The following ALG5 variants were observed in gnomAD, a reference collection of about 807,000 sequenced individuals.
The protein encoded by ALG5 is dolichyl-phosphate beta-glucosyltransferase.
Under a neutral mutation model 51.8 loss-of-function variants are expected in ALG5, and 26 were observed. The observed-to-expected ratio is 0.50, with a 90% CI of 0.37 to 0.70. The LOEUF (loss-of-function observed/expected upper bound fraction) is 0.70, where lower values mean the gene tolerates loss of function less well. ALG5 is among the 30% of genes least tolerant of loss of function. The pLI is 0.00. For synonymous variants in ALG5, 141 were observed against 136.1 expected (o/e 1.04, Z -0.25); for missense variants, 311 against 399.3 (o/e 0.78, Z 1.88).
chr13:36,971,275 A>C (rs2058921755), intron 7 of ALG5, among the ~76,000 whole-genome samples: 1 of 152,232 alleles, frequency 6.6e-6, no homozygotes, highest in African/African-American at 2.4e-5. Flanking sequence ...AAAAATTTTT[A>C]ACTGAATAAA....
At chr13:36,977,941 C>A (rs1328139642) in intron 6 of ALG5, among the ~76,000 whole-genome samples, 2 of 144,938 alleles carry the variant, frequency 1.4e-5, no homozygotes, top group Non-Finnish European at 1.5e-5. Flanking sequence ...GGCTGGAGTA[C>A]AGTGGCAAGA....
In ALG5 at chr13:36,994,940, T is replaced by A. The variant is rs1214520661; in HGVS notation, c.285+49A>T. On this transcript the variant is annotated intron_variant, in intron 3 of 9. Transcript: ENST00000239891. ...GGCTTGGGGTCCACAATTGGTGACC[T>A]GGTCTAGTTTTAATTGGAGATATCA... 7 of 1,537,914 alleles carry A rather than the reference T, an allele frequency of 4.6e-6. No individual in the cohort carries two copies. In the South Asian group the frequency reaches 5.7e-5, roughly 13 times the overall value.
intron 5 of ALG5, among the ~76,000 whole-genome samples, chr13:36,986,582 C>A (rs1181178016): frequency 6.6e-6 from 1 of 152,060 alleles, no homozygotes; most frequent in Non-Finnish European, 1.5e-5. Context: ...GTATAATAAG[C>A]TAACTAGTTA....
chr13:36,971,145 C>T (rs993473639), intron 7 of ALG5, among the ~76,000 whole-genome samples: 2 of 152,024 alleles, frequency 1.3e-5, no homozygotes, highest in African/African-American at 2.4e-5. Context: ...TCTAGCATAA[C>T]CTACAAAATG....
intron 5 of ALG5, among the ~76,000 whole-genome samples, chr13:36,987,413 AT>A (rs904114624): frequency 7.9e-5 from 12 of 152,138 alleles, no homozygotes; most frequent in African/African-American, 2.9e-4. Context: ...TGTTTGGGTC[AT>A]GGGGGTGGAT....
intron 6 of ALG5, among the ~76,000 whole-genome samples, chr13:36,984,765 C>T (rs1261836315): frequency 2.6e-5 from 4 of 151,956 alleles, no homozygotes; most frequent in Non-Finnish European, 5.9e-5. Flanking sequence ...GGAGGAGGGA[C>T]CCTCCCCTGG....
At position 36,964,792 on chromosome 13, in the gene ALG5, G is replaced by C. The variant is rs574989657; in HGVS notation, c.773+783C>G. ...ATACAAAAACTAGCTGGGTGTGGTA[G>C]CGCCCACCTGTAATCCCAGCTACTT... On this transcript the variant is annotated intron_variant, in intron 8 of 9. Coordinates refer to ENST00000239891, the MANE Select transcript of ALG5 (RefSeq NM_013338.5). Among the ~76,000 whole-genome samples, 318 of 152,228 alleles carry C rather than the reference G, an allele frequency of 2.1e-3. 3 individuals carry two copies. In the Middle Eastern group the frequency reaches 0.024, roughly 11 times the overall value.
intron 6 of ALG5, among the ~76,000 whole-genome samples, chr13:36,981,915 T>C (rs904620760): frequency 2.0e-5 from 3 of 152,100 alleles, no homozygotes; most frequent in African/African-American, 7.2e-5. Flanking sequence ...GGTGAAACCC[T>C]GTCTCTACTA....
chr13:36,964,576 G>A (rs2058883688), intron 8 of ALG5, among the ~76,000 whole-genome samples: 1 of 152,132 alleles, frequency 6.6e-6, no homozygotes, highest in Non-Finnish European at 1.5e-5. Context: ...TGCTGCTGAT[G>A]GGTTAAGTGT....
chr13:36,953,792 T>A lies in ALG5; in HGVS notation c.774-1193A>T, dbSNP rs558936719. On this transcript the variant is annotated intron_variant, in intron 8 of 9. Coordinates refer to ENST00000239891, the MANE Select transcript of ALG5 (RefSeq NM_013338.5). The stretch of plus-strand genomic sequence containing the variant: ...TAAAACCACTTACAAAAGTGGGTTG[T>A]ATTTTAAAACTTTCGTCCCCTAGAA... Among the ~76,000 whole-genome samples, 38 of 152,284 alleles carry A rather than the reference T, an allele frequency of 2.5e-4. 1 individual carries two copies. The highest frequency in any genetic ancestry group is 9.1e-4 in the African/African-American group (38 of 41,546).
At chr13:36,969,541 A>G (rs144431170) in intron 7 of ALG5, among the ~76,000 whole-genome samples, 205 of 151,422 alleles carry the variant, frequency 1.4e-3, no homozygotes, top group African/African-American at 4.8e-3. Context: ...TTATTTATTT[A>G]TTTTTTTGAG....
chr13:36,967,982 T>C (rs1004972315), intron 7 of ALG5: 2 of 305,656 alleles, frequency 6.5e-6, no homozygotes, highest in Non-Finnish European at 1.2e-5. Flanking sequence ...TAACAGGATT[T>C]TTGTTTGCTT....
At chr13:36,959,549 TATA>T (rs1397407356) in intron 8 of ALG5, among the ~76,000 whole-genome samples, 1 of 152,044 alleles carries the variant, frequency 6.6e-6, no homozygotes, top group Non-Finnish European at 1.5e-5. Context: ...GGCCTAGAAT[TATA>T]ATATTTCAAA....
At chr13:36,999,137 C>T (rs1052454186) in intron 1 of ALG5, 98 bp downstream of exon 1, 3 of 1,186,280 alleles carry the variant, frequency 2.5e-6, no homozygotes, top group South Asian at 2.1e-5. Context: ...GGGACTTCTC[C>T]GAGAACTGGT....
In ALG5 at chr13:36,963,505, C is replaced by T. The variant is rs528026611; in HGVS notation, c.773+2070G>A. ...TCTGACCCTAGTTCTGGAGCAATAGCTGACTGAAAAATAGCTAATGCAGAC... is the reference window on the plus strand; with the variant it reads ...TCTGACCCTAGTTCTGGAGCAATAGTTGACTGAAAAATAGCTAATGCAGAC... On this transcript the variant is annotated intron_variant, in intron 8 of 9. Coordinates refer to ENST00000239891, the MANE Select transcript of ALG5 (RefSeq NM_013338.5). Among the ~76,000 whole-genome samples, 25 of 152,158 alleles carry T rather than the reference C, an allele frequency of 1.6e-4. No individual in the cohort carries two copies. The South Asian group carries it at 4.6e-3, about 28-fold the overall frequency.
At chr13:36,967,278 C>T (rs1159189058) in intron 7 of ALG5, among the ~76,000 whole-genome samples, 1 of 151,538 alleles carries the variant, frequency 6.6e-6, no homozygotes, top group African/African-American at 2.4e-5. Context: ...AACTAGGAGG[C>T]CTATATTGGA....
At chr13:36,963,115 TA>T (rs2058875657) in intron 8 of ALG5, among the ~76,000 whole-genome samples, 1 of 152,054 alleles carries the variant, frequency 6.6e-6, no homozygotes, top group Non-Finnish European at 1.5e-5. Flanking sequence ...CCAAGCTAAT[TA>T]AAAAAATTTT....
At chr13:36,959,501 G>A (rs1267571254) in intron 8 of ALG5, among the ~76,000 whole-genome samples, 1 of 152,006 alleles carries the variant, frequency 6.6e-6, no homozygotes, top group Non-Finnish European at 1.5e-5. Context: ...AGGACCTACT[G>A]AATACTCAAC....
At chr13:36,958,412 T>C (rs572734815) in intron 8 of ALG5, among the ~76,000 whole-genome samples, 2 of 152,306 alleles carry the variant, frequency 1.3e-5, no homozygotes, top group East Asian at 1.9e-4. Flanking sequence ...TCTTCCAGAA[T>C]TGAAGCTGTA....
Sources: allele counts gnomAD v4.1 joint callset (sites outside exome capture counted in the v4.1 genomes callset), GRCh38; gene constraint gnomAD v4.1.1; transcripts MANE v1.5; gene names NCBI Gene and HGNC (gene_info 2026-07-23, HGNC 2026-07-21).